Variants in FGF12 observed in about 807,000 individuals in gnomAD.
The protein encoded by FGF12 is fibroblast growth factor 12B.
FGF12 carries 14 observed loss-of-function variants against 23.6 expected under a neutral mutation model. The ratio of observed to expected loss-of-function variants is 0.59; its 90% confidence interval spans 0.39 to 0.93. The LOEUF (loss-of-function observed/expected upper bound fraction) is 0.93. FGF12 is among the 40% of genes least tolerant of loss of function. The pLI, the probability that FGF12 is intolerant of heterozygous loss-of-function variation, is 0.00. For missense variants in FGF12, 175 were observed against 217.8 expected (o/e 0.80, Z 1.24); for synonymous variants, 62 against 77.3 (o/e 0.80, Z 1.04).
At position 192,691,041 on chromosome 3, in the gene FGF12, A is replaced by G. The variant is rs1717927614; in HGVS notation, c.13+36140T>C. 2.0e-5 allele frequency among the ~76,000 whole-genome samples: 3 copies of G among 152,032 alleles called. No individual in the cohort carries two copies. In the South Asian group the frequency reaches 6.2e-4, roughly 32 times the overall value. Reference sequence around the variant, plus strand: ...AAGAACACCAAAACATATAAAGCAAATATTAACAGATCCGAAGGGGGAAAT... The same window carrying G: ...AAGAACACCAAAACATATAAAGCAAGTATTAACAGATCCGAAGGGGGAAAT... On this transcript the variant is annotated intron_variant, in intron 2 of 5. Transcript: ENST00000445105.
At chr3:192,556,986 A>G (rs1338693584) in intron 2 of FGF12, among the ~76,000 whole-genome samples, 1 of 152,058 alleles carries the variant, frequency 6.6e-6, no homozygotes, top group Non-Finnish European at 1.5e-5. Context: ...CAAAAGGGAA[A>G]CTTAAAAATA....
intron 2 of FGF12, among the ~76,000 whole-genome samples, chr3:192,582,203 T>A (rs1713184917): frequency 6.6e-6 from 1 of 152,240 alleles, no homozygotes; most frequent in Admixed American, 6.5e-5. Flanking sequence ...TGTGGCTGTG[T>A]ATTTAGAATC....
chr3:192,506,435 A>T (rs997085730), intron 2 of FGF12, among the ~76,000 whole-genome samples: 1 of 152,182 alleles, frequency 6.6e-6, no homozygotes, highest in African/African-American at 2.4e-5. Context: ...CAGTGGCATG[A>T]TCTCGGCTCA....
intron 2 of FGF12, among the ~76,000 whole-genome samples, chr3:192,421,039 G>T (rs866787271): frequency 6.6e-6 from 1 of 152,076 alleles, no homozygotes; most frequent in Non-Finnish European, 1.5e-5. Context: ...AGAGATATTC[G>T]ACGAGAATCG....
chr3:192,584,748 A>AT (rs1383178247), intron 2 of FGF12, among the ~76,000 whole-genome samples: 2 of 151,722 alleles, frequency 1.3e-5, no homozygotes, highest in African/African-American at 2.4e-5. Context: ...AGCTTCTAAG[A>AT]TTTTTTCCTT....
intron 2 of FGF12, among the ~76,000 whole-genome samples, chr3:192,566,363 G>A (rs940946160): frequency 2.6e-5 from 4 of 152,136 alleles, no homozygotes; most frequent in Non-Finnish European, 4.4e-5. Context: ...AGAGATCATG[G>A]AGATAGGAAG....
chr3:192,378,396 C>G (rs1719668482), intron 2 of FGF12, among the ~76,000 whole-genome samples: 1 of 142,896 alleles, frequency 7.0e-6, no homozygotes, highest in Non-Finnish European at 1.5e-5. Context: ...CAGGTGTGAG[C>G]CACTGTGCCT....
At chr3:192,513,592 A>T (rs1724560235) in intron 2 of FGF12, among the ~76,000 whole-genome samples, 1 of 152,234 alleles carries the variant, frequency 6.6e-6, no homozygotes, top group Admixed American at 6.5e-5. Context: ...ACAGAGTGAA[A>T]ATAGGTGCCA....
Position 192,408,314 on chromosome 3 carries a change from G to T in FGF12, c.14-47776C>A. On this transcript the variant is annotated intron_variant, in intron 2 of 5. Transcript: ENST00000445105. The surrounding 1 kb of genome is among the most constrained non-coding windows in gnomAD (Gnocchi z 7.3). ...CGAGGGCAGGACCTGGGCGGCCAGG[G>T]AAAGGGCAGTCGCGGGGAGGCAGTG... 6.9e-7 allele frequency: 1 copy of T among 1,448,726 alleles called. No individual in the cohort carries two copies. The highest frequency in any genetic ancestry group is 1.4e-5 in the South Asian group (1 of 70,264). 89.7% of individuals were successfully genotyped at this position (1,448,726 alleles called of 1,614,324 possible). A position where few individuals can be genotyped will look rare whatever the true frequency, so the allele number is the denominator to read the frequency against.
At chr3:192,612,691 C>G (rs988648093) in intron 2 of FGF12, among the ~76,000 whole-genome samples, 10 of 151,818 alleles carry the variant, frequency 6.6e-5, no homozygotes, top group African/African-American at 2.2e-4. Context: ...ATTATTAGGG[C>G]TATATATTTT....
At chr3:192,565,989 G>A (rs1045969465) in intron 2 of FGF12, among the ~76,000 whole-genome samples, 2 of 152,214 alleles carry the variant, frequency 1.3e-5, no homozygotes, top group African/African-American at 2.4e-5. Flanking sequence ...GGGAGGCTGA[G>A]GCAGGAGAAT....
chr3:192,472,743 C>G (rs1251987901), intron 2 of FGF12, among the ~76,000 whole-genome samples: 3 of 152,158 alleles, frequency 2.0e-5, no homozygotes, highest in Non-Finnish European at 4.4e-5. Context: ...CCCTGCTGGG[C>G]TCCTCAGCCC....
At chr3:192,266,409 T>C (rs1034746308) in intron 4 of FGF12, among the ~76,000 whole-genome samples, 2 of 152,110 alleles carry the variant, frequency 1.3e-5, no homozygotes, top group African/African-American at 4.8e-5. Context: ...TGGGGGTATT[T>C]AAGTAGGTTT....
chr3:192,483,413 A>C (rs1723536534), intron 2 of FGF12, among the ~76,000 whole-genome samples: 1 of 152,182 alleles, frequency 6.6e-6, no homozygotes, highest in African/African-American at 2.4e-5. Context: ...CGTATTATAC[A>C]ACAGCCACAC....
chr3:192,502,587 C>CCAGG lies in FGF12; in HGVS notation c.14-142053_14-142050dup, dbSNP rs148715354. ...AACTACTGTGATTACTTTTTCTGGA[C>CCAGG]CAGGAGTGGCCAGACTGTGTAGATA... On this transcript the variant is annotated intron_variant, in intron 2 of 5. Transcript: ENST00000445105. Among the ~76,000 whole-genome samples the CCAGG allele has an allele frequency of 2.2e-4, 33 of 152,278 alleles. No homozygotes were observed. In the East Asian group the frequency reaches 6.4e-3, roughly 29 times the overall value.
chr3:192,714,111 CTATCT>C (rs1385740053), intron 2 of FGF12, among the ~76,000 whole-genome samples: 1 of 152,060 alleles, frequency 6.6e-6, no homozygotes, highest in Admixed American at 6.6e-5. Context: ...AATACTTACA[CTATCT>C]TATTTAGTAG....
chr3:192,686,357 T>A (rs569353602), intron 2 of FGF12, among the ~76,000 whole-genome samples: 1 of 152,000 alleles, frequency 6.6e-6, no homozygotes, highest in East Asian at 1.9e-4. Context: ...GAGACTGAAA[T>A]GTAGGCTTGT....
At chr3:192,633,194 C>G (rs1243266873) in intron 2 of FGF12, among the ~76,000 whole-genome samples, 4 of 152,016 alleles carry the variant, frequency 2.6e-5, no homozygotes, top group Non-Finnish European at 5.9e-5. Flanking sequence ...TACAGGTGCA[C>G]ATGACCATGC....
At chr3:192,322,084 A>G (rs1027209419) in intron 4 of FGF12, among the ~76,000 whole-genome samples, 3 of 152,104 alleles carry the variant, frequency 2.0e-5, no homozygotes, top group Non-Finnish European at 4.4e-5. Context: ...GACAAAAAAA[A>G]ACACACAACT....
Sources: allele counts gnomAD v4.1 joint callset (sites outside exome capture counted in the v4.1 genomes callset), GRCh38; gene constraint gnomAD v4.1.1; non-coding constraint Gnocchi (gnomAD v3.1); transcripts MANE v1.5; gene names NCBI Gene and HGNC (gene_info 2026-07-23, HGNC 2026-07-21).